WASHC4: variants seen among roughly 807,000 people sequenced by gnomAD.
The protein encoded by WASHC4 is WASH complex subunit 7.
In WASHC4, 86 loss-of-function variants were observed where a neutral mutation model predicts 166.6. That is an observed-to-expected ratio of 0.52 (90% CI 0.43 to 0.62). The LOEUF (loss-of-function observed/expected upper bound fraction) is 0.62. Among genes scored for constraint, WASHC4 ranks in the 20% least tolerant of loss-of-function variants. The pLI, the probability that WASHC4 is intolerant of heterozygous loss-of-function variation, is 0.00. For missense variants in WASHC4, 1,262 were observed against 1,382.4 expected (o/e 0.91, Z 1.38); for synonymous variants, 446 against 451.6 (o/e 0.99, Z 0.16).
rs200115340 is a variant in WASHC4 at position 105,114,400 on chromosome 12, T to C, written c.294T>C (p.Cys98=). Residue 98 remains cysteine, a synonymous_variant, in exon 4 of 33, where the codon TGT becomes TGC. Coordinates refer to ENST00000332180, the MANE Select transcript of WASHC4 (RefSeq NM_015275.3). ...NKVITVYAAL[C]CEIKKLKYEA... is the part of the protein sequence containing the mutation. ...TCATCACTGTTTATGCTGCACTTTG[T>C]TGTGAAATCAAGAAATTAAAATATG... 1.7e-5 allele frequency: 27 copies of C among 1,596,072 alleles called. 1 individual carries two copies. In the African/African-American group the frequency reaches 3.1e-4, roughly 18 times the overall value.
chr12:105,164,502 C>A, intron 31 of WASHC4, 139 bp from the exon 32 acceptor site: 1 of 815,478 alleles, frequency 1.2e-6, no homozygotes. Flanking sequence ...GGGCGGGTTA[C>A]TTATTTCAGT....
rs1236487970 is a variant in WASHC4, at chr12:105,164,703, T to C, written c.3417T>C (p.Thr1139=). ...GAATTTTCTTCAGAGCAGACAAGACTGCGGCTGAAGAAAACCAAGAAAAGA... is the reference window on the plus strand; with the variant it reads ...GAATTTTCTTCAGAGCAGACAAGACCGCGGCTGAAGAAAACCAAGAAAAGA... The part of the protein sequence containing the change: ...SARIFFRADK[T]AAEENQEKKE... Residue 1139 remains threonine, a synonymous_variant, in exon 32 of 33, where the codon ACT becomes ACC. Coordinates refer to ENST00000332180, the MANE Select transcript of WASHC4 (RefSeq NM_015275.3). 1 of 1,613,472 alleles carries C rather than the reference T, an allele frequency of 6.2e-7. No homozygotes were observed. Among genetic ancestry groups the C allele is most frequent in the Non-Finnish European group, 8.5e-7 (1 of 1,179,658 alleles).
intron 22 of WASHC4, among the ~76,000 whole-genome samples, chr12:105,145,797 A>G (rs1883242025): frequency 6.6e-6 from 1 of 152,128 alleles, no homozygotes; most frequent in Non-Finnish European, 1.5e-5. Flanking sequence ...ATATGATACC[A>G]TTGGGTGTTA....
At chr12:105,144,611 A>T in intron 21 of WASHC4, 107 bp from the exon 22 acceptor site, 1 of 1,175,164 alleles carries the variant, frequency 8.5e-7, no homozygotes, top group Non-Finnish European at 1.2e-6. Context: ...ACCTTATTTT[A>T]AAGGAACAAA....
chr12:105,124,347 G>A (rs550370612), intron 10 of WASHC4, among the ~76,000 whole-genome samples: 31 of 152,030 alleles, frequency 2.0e-4, no homozygotes, highest in African/African-American at 6.5e-4. Context: ...TTGAACTCCC[G>A]ACCTCAGGTG....
intron 6 of WASHC4, 142 bp downstream of exon 6, chr12:105,115,870 T>G: frequency 1.5e-6 from 1 of 657,486 alleles, no homozygotes; most frequent in Non-Finnish European, 2.7e-6. Flanking sequence ...GGATTATAGT[T>G]TAGGAGATCA....
chr12:105,154,154 C>G lies in WASHC4; in HGVS notation c.2758+1703C>G, dbSNP rs535243691. Among the ~76,000 whole-genome samples the G allele has an allele frequency of 6.4e-4, 97 of 152,088 alleles. 1 individual carries two copies. Among genetic ancestry groups the G allele is most frequent in the African/African-American group, 2.3e-3 (95 of 41,484 alleles). On this transcript the variant is annotated intron_variant, in intron 26 of 32. Transcript: ENST00000332180. ...CAAGCGATTCTCCCGCCTCAGCCTC[C>G]TTAGTATATGGGACTTCAGGTGCAT...
intron 29 of WASHC4, among the ~76,000 whole-genome samples, chr12:105,160,370 T>C (rs1319400402): frequency 6.6e-6 from 1 of 152,134 alleles, no homozygotes; most frequent in Non-Finnish European, 1.5e-5. Context: ...TCTTCTGAGA[T>C]GGGGTCTTGC....
chr12:105,109,345 T>C (rs1484088821), intron 1 of WASHC4, among the ~76,000 whole-genome samples: 3 of 152,308 alleles, frequency 2.0e-5, no homozygotes, highest in East Asian at 3.9e-4. Flanking sequence ...ATGGTCTGAT[T>C]CACTCAACAG....
At chr12:105,138,947 C>T (rs1017447464) in intron 15 of WASHC4, among the ~76,000 whole-genome samples, 2 of 152,040 alleles carry the variant, frequency 1.3e-5, no homozygotes, top group Non-Finnish European at 2.9e-5. Flanking sequence ...GTGTTTTTTC[C>T]TAATTGCATC....
At chr12:105,108,533 G>T (rs1879308515) in intron 1 of WASHC4, among the ~76,000 whole-genome samples, 1 of 152,092 alleles carries the variant, frequency 6.6e-6, no homozygotes, top group South Asian at 2.1e-4. Flanking sequence ...TTCAAATTTT[G>T]CTTCACAAGA....
intron 21 of WASHC4, 117 bp downstream of exon 21, chr12:105,144,572 A>C: frequency 8.4e-7 from 1 of 1,184,550 alleles, no homozygotes; most frequent in African/African-American, 1.6e-5. Flanking sequence ...CTTTAATTAC[A>C]TTTTGTTTCT....
At chr12:105,148,634 CAAG>C (rs1592903433) in intron 24 of WASHC4, 10 of 985,094 alleles carry the variant, frequency 1.0e-5, no homozygotes, top group South Asian at 4.7e-5. Flanking sequence ...ACAGAAAAAA[CAAG>C]GAGAGAGTAC....
intron 13 of WASHC4, among the ~76,000 whole-genome samples, chr12:105,128,395 G>A (rs149553629): frequency 6.6e-6 from 1 of 152,260 alleles, no homozygotes; most frequent in Non-Finnish European, 1.5e-5. Flanking sequence ...CAGTAAGTGG[G>A]GAAAAATGTG....
intron 15 of WASHC4, among the ~76,000 whole-genome samples, chr12:105,139,016 GT>G (rs1396953612): frequency 6.6e-6 from 1 of 151,996 alleles, no homozygotes; most frequent in Non-Finnish European, 1.5e-5. Flanking sequence ...TCATTCTCTT[GT>G]TTTTCTTTTT....
chr12:105,162,253 A>T (rs537068596), intron 29 of WASHC4, among the ~76,000 whole-genome samples: 2 of 152,366 alleles, frequency 1.3e-5, no homozygotes, highest in African/African-American at 4.8e-5. Flanking sequence ...GAGGATTCAC[A>T]CTTAAGAACA....
Position 105,140,938 on chromosome 12 carries a change from C to T in WASHC4, c.1600C>T (p.Leu534Phe), listed in dbSNP as rs1882789609. 6.2e-7 allele frequency: 1 copy of T among 1,614,098 alleles called. No individual in the cohort carries two copies. The highest frequency in any genetic ancestry group is 8.5e-7 in the Non-Finnish European group (1 of 1,179,984). The change falls in exon 17 of 33, where the codon CTT becomes TTT. Residue 534 changes from leucine to phenylalanine, a missense_variant. Transcript: ENST00000332180. ...ISDKKYSEQRLDVLSALVLAE... is the reference protein window; with the variant it reads ...ISDKKYSEQRFDVLSALVLAE... ...TGACAAAAAATACAGCGAACAGCGT[C>T]TTGATGTGCTCTCTGCTCTAGTTTT...
chr12:105,117,250 G>A (rs779273048), intron 6 of WASHC4, among the ~76,000 whole-genome samples: 17 of 152,118 alleles, frequency 1.1e-4, no homozygotes, highest in Non-Finnish European at 1.2e-4. Context: ...CCCTGGCTCC[G>A]TTTTAGTTAA....
rs373133062 is a variant in WASHC4, at chr12:105,115,159, A to G, written c.322-25A>G. 8.6e-4 allele frequency: 1,098 copies of G among 1,269,676 alleles called. 25 individuals carry two copies. In the South Asian group the frequency reaches 0.013, roughly 15 times the overall value. 78.7% of individuals were successfully genotyped at this position (1,269,676 alleles called of 1,614,324 possible). A position where few individuals can be genotyped will look rare whatever the true frequency, so the allele number is the denominator to read the frequency against. On this transcript the variant is annotated intron_variant, in intron 4 of 32. Transcript: ENST00000332180. Reference sequence around the variant, plus strand: ...TGGAAACAAAACAACCTTTAAAATTATTTTAATTTTTTTCTTAAAAACAGG... The same window carrying G: ...TGGAAACAAAACAACCTTTAAAATTGTTTTAATTTTTTTCTTAAAAACAGG...
Sources: allele counts gnomAD v4.1 joint callset (sites outside exome capture counted in the v4.1 genomes callset), GRCh38; gene constraint gnomAD v4.1.1; transcripts MANE v1.5; gene names NCBI Gene and HGNC (gene_info 2026-07-23, HGNC 2026-07-21).